Variants in KCNN3 observed in about 807,000 individuals in gnomAD.
The protein encoded by KCNN3 is potassium calcium-activated channel subfamily N member 3.
In KCNN3, 16 loss-of-function variants were observed where a neutral mutation model predicts 62.9. The observed-to-expected ratio is 0.25, with a 90% CI of 0.17 to 0.39. The LOEUF is 0.39. Among genes scored for constraint, KCNN3 ranks in the 10% least tolerant of loss-of-function variants. The pLI is 1.00. For synonymous variants in KCNN3, 370 were observed against 389.2 expected, an observed-to-expected ratio of 0.95 and a Z score of 0.58; for missense variants, 599 against 949.4, an observed-to-expected ratio of 0.63 and a Z score of 4.85.
intron 5 of KCNN3, among the ~76,000 whole-genome samples, chr1:154,719,096 G>A (rs1388459366): frequency 6.6e-6 from 1 of 152,124 alleles, no homozygotes; most frequent in African/African-American, 2.4e-5. Flanking sequence ...TGGGGCAGGA[G>A]TACAAGGGGG....
rs369650445 is a variant in KCNN3 at position 154,847,953 on chromosome 1, C to T, written c.933+21079G>A. On this transcript the variant is annotated intron_variant, in intron 1 of 7. Coordinates refer to ENST00000271915, the MANE Select transcript of KCNN3 (RefSeq NM_002249.6). Reference sequence around the variant, plus strand: ...CACTCCCCCAGCTCCGACACGAACCCGAGAGTAGCCGGCTCCAGCACGCTG... The same window carrying T: ...CACTCCCCCAGCTCCGACACGAACCTGAGAGTAGCCGGCTCCAGCACGCTG... 5.6e-4 allele frequency among the ~76,000 whole-genome samples: 85 copies of T among 152,340 alleles called. No homozygotes were observed. The South Asian group carries it at 7.9e-3, about 14-fold the overall frequency.
intron 4 of KCNN3, among the ~76,000 whole-genome samples, chr1:154,726,788 G>A (rs1313484942): frequency 2.0e-5 from 3 of 152,146 alleles, no homozygotes; most frequent in South Asian, 2.1e-4. Flanking sequence ...AAGTGAGCCC[G>A]CAGCAGACCC....
intron 1 of KCNN3, among the ~76,000 whole-genome samples, chr1:154,852,626 A>G (rs1422473253): frequency 6.6e-6 from 1 of 152,216 alleles, no homozygotes; most frequent in East Asian, 1.9e-4. Context: ...CCAGATTTCA[A>G]AGACTTAGTA....
At chr1:154,767,672 G>T (rs1648357580) in intron 3 of KCNN3, among the ~76,000 whole-genome samples, 1 of 152,188 alleles carries the variant, frequency 6.6e-6, no homozygotes, top group Non-Finnish European at 1.5e-5. Context: ...GTTCCTCCCT[G>T]AGGGAGGTGG....
At chr1:154,775,484 G>A (rs938483951) in intron 2 of KCNN3, among the ~76,000 whole-genome samples, 2 of 152,076 alleles carry the variant, frequency 1.3e-5, no homozygotes, top group African/African-American at 4.8e-5. Flanking sequence ...GGATTGAAAG[G>A]GTTTAATAAA....
intron 2 of KCNN3, among the ~76,000 whole-genome samples, chr1:154,791,228 C>CAA (rs534142359): frequency 3.2e-4 from 19 of 59,618 alleles, no homozygotes; most frequent in South Asian, 1.4e-3. Flanking sequence ...GACTCCATCT[C>CAA]AAAAAAAAAA....
intron 2 of KCNN3, among the ~76,000 whole-genome samples, chr1:154,811,862 A>G (rs548668853): frequency 6.6e-6 from 1 of 152,328 alleles, no homozygotes; most frequent in Admixed American, 6.5e-5. Flanking sequence ...CAACTTTACA[A>G]ATTCTCAGAG....
At chr1:154,778,218 C>G (rs148318345) in intron 2 of KCNN3, among the ~76,000 whole-genome samples, 1 of 152,268 alleles carries the variant, frequency 6.6e-6, no homozygotes, top group Non-Finnish European at 1.5e-5. Flanking sequence ...TTTTATGCAA[C>G]AGTGATTCCA....
chr1:154,796,657 C>T (rs917377290), intron 2 of KCNN3, among the ~76,000 whole-genome samples: 9 of 152,176 alleles, frequency 5.9e-5, no homozygotes, highest in East Asian at 5.8e-4. Flanking sequence ...CGATTGTGTC[C>T]GTAAAGCAGC....
At chr1:154,858,016 C>A (rs1433284804) in intron 1 of KCNN3, among the ~76,000 whole-genome samples, 1 of 152,190 alleles carries the variant, frequency 6.6e-6, no homozygotes, top group African/African-American at 2.4e-5. Flanking sequence ...CCTCATGACT[C>A]AACTCCATCC....
At chr1:154,825,786 C>T (rs1016172414) in intron 1 of KCNN3, among the ~76,000 whole-genome samples, 9 of 151,838 alleles carry the variant, frequency 5.9e-5, no homozygotes, top group Admixed American at 4.6e-4. Context: ...CTTCTGCACA[C>T]GGCCGTAATC....
At chr1:154,846,745 T>C (rs1652077184) in intron 1 of KCNN3, among the ~76,000 whole-genome samples, 1 of 152,132 alleles carries the variant, frequency 6.6e-6, no homozygotes, top group African/African-American at 2.4e-5. Context: ...AAGCTCCACT[T>C]CTCGCTGTAC....
chr1:154,869,748 GCTGCT>G lies in KCNN3; in HGVS notation c.212_216del (p.Gln71ProfsTer62). ...GGCTGCTGCTGCTGCTGCTGCTGCTGCTGCTGCTGCTGCTGCTGAAGCTGCGGAGG... is the reference window on the plus strand; with the variant it reads ...GGCTGCTGCTGCTGCTGCTGCTGCTGGCTGCTGCTGCTGAAGCTGCGGAGG... On this transcript the variant is annotated frameshift_variant, in exon 1 of 8. Transcript: ENST00000271915. LOFTEE classifies it high-confidence loss of function. The surrounding 1 kb of genome is among the most constrained non-coding windows in gnomAD (Gnocchi z 6.1). 6.6e-7 allele frequency: 1 copy of G among 1,524,164 alleles called. No individual in the cohort carries two copies. The highest frequency in any genetic ancestry group is 1.8e-4 in the Middle Eastern group (1 of 5,526). The allele number at this position is 1,524,164 out of a possible 1,614,324, so 94.4% of individuals were successfully genotyped here.
At chr1:154,743,559 G>A (rs562570377) in intron 3 of KCNN3, among the ~76,000 whole-genome samples, 1 of 152,320 alleles carries the variant, frequency 6.6e-6, no homozygotes, top group South Asian at 2.1e-4. Context: ...AGATGGCCCT[G>A]ACTTACAATG....
chr1:154,734,700 C>A (rs999150136), intron 3 of KCNN3, among the ~76,000 whole-genome samples: 6 of 152,244 alleles, frequency 3.9e-5, no homozygotes, highest in Admixed American at 6.5e-5. Flanking sequence ...CAGGGAGCAG[C>A]AAGAGCATGG....
chr1:154,802,843 G>A (rs537373668), intron 2 of KCNN3, among the ~76,000 whole-genome samples: 1 of 152,274 alleles, frequency 6.6e-6, no homozygotes, highest in East Asian at 1.9e-4. Context: ...CAGTGGCTTC[G>A]GCCTGGGTTT....
rs2101753167 is a variant in KCNN3, at chr1:154,707,302, A to G, written c.*674T>C. 1 of 152,304 alleles carries G rather than the reference A, an allele frequency of 6.6e-6. No individual in the cohort carries two copies. Among genetic ancestry groups the G allele is most frequent in the South Asian group, 2.1e-4 (1 of 4,824 alleles). 9.4% of individuals were successfully genotyped at this position (152,304 alleles called of 1,614,324 possible). On this transcript the variant is annotated 3_prime_UTR_variant, in exon 8 of 8. Transcript: ENST00000271915. The stretch of plus-strand genomic sequence containing the variant: ...TCCCTTTTTATTTGGATTAAGCTCA[A>G]ATAAGAAAGGACCTGAAGCGAACGT...
At chr1:154,810,553 G>C (rs1650363276) in intron 2 of KCNN3, among the ~76,000 whole-genome samples, 1 of 152,170 alleles carries the variant, frequency 6.6e-6, no homozygotes, top group African/African-American at 2.4e-5. Context: ...CCTCCCCAAG[G>C]GTGCTGGGCC....
intron 3 of KCNN3, among the ~76,000 whole-genome samples, chr1:154,745,834 G>T (rs977681848): frequency 6.6e-6 from 1 of 152,156 alleles, no homozygotes; most frequent in South Asian, 2.1e-4. Flanking sequence ...GCATGAAAAT[G>T]GAGAAAAATA....
Sources: gnomAD v4.1 joint callset for allele counts (sites outside exome capture counted in the v4.1 genomes callset) on GRCh38, gnomAD v4.1.1 for gene constraint, Gnocchi (gnomAD v3.1) non-coding constraint, MANE v1.5 for transcripts, NCBI Gene and HGNC (gene_info 2026-07-23, HGNC 2026-07-21) for gene names.